Variants in CAPZB observed in about 807,000 individuals in gnomAD.
CAPZB encodes F-actin-capping protein subunit beta.
CAPZB carries 2 observed loss-of-function variants against 38.1 expected under a neutral mutation model. That is an observed-to-expected ratio of 0.05 (90% CI 0.02 to 0.17). The LOEUF (loss-of-function observed/expected upper bound fraction) is 0.17. CAPZB is among the 10% of genes least tolerant of loss of function. The probability of loss-of-function intolerance (pLI) is 1.00; values close to 1 mark genes in which losing one functional copy is unlikely to be tolerated. For synonymous variants in CAPZB, 107 were observed against 127.4 expected (o/e 0.84, Z 1.08); for missense variants, 161 against 334.2 (o/e 0.48, Z 4.04).
chr1:19,450,159 A>AAAAAAAAAAAG (rs1558272969), intron 1 of CAPZB, among the ~76,000 whole-genome samples: 51 of 134,460 alleles, frequency 3.8e-4, no homozygotes, highest in Non-Finnish European at 6.1e-4. Flanking sequence ...AAAAAAAAAA[A>AAAAAAAAAAAG]AAAAAAAAAA....
At chr1:19,430,697 A>T (rs1445996292) in intron 1 of CAPZB, among the ~76,000 whole-genome samples, 3 of 152,122 alleles carry the variant, frequency 2.0e-5, no homozygotes, top group Non-Finnish European at 4.4e-5. Context: ...CCTAGCACAC[A>T]GCTGGCGGCC....
chr1:19,448,178 A>C (rs2094502775), intron 1 of CAPZB, among the ~76,000 whole-genome samples: 1 of 152,172 alleles, frequency 6.6e-6, no homozygotes, highest in South Asian at 2.1e-4. Flanking sequence ...AAATATCTCC[A>C]AGCAAGAAGG....
intron 1 of CAPZB, chr1:19,420,000 T>G: frequency 4.3e-6 from 2 of 466,628 alleles, no homozygotes; most frequent in South Asian, 5.9e-5. Flanking sequence ...GGAAGCAGGC[T>G]GGAGACGTCA....
At chr1:19,483,043 T>C (rs1324111137) in intron 1 of CAPZB, among the ~76,000 whole-genome samples, 1 of 152,208 alleles carries the variant, frequency 6.6e-6, no homozygotes, top group East Asian at 1.9e-4. Context: ...CGCCAGGTGC[T>C]GTTCTAGGCC....
chr1:19,428,687 G>T (rs1167191927), intron 1 of CAPZB, among the ~76,000 whole-genome samples: 1 of 152,150 alleles, frequency 6.6e-6, no homozygotes, highest in Non-Finnish European at 1.5e-5. Flanking sequence ...TGCACAGATA[G>T]AGGCAAAATC....
intron 1 of CAPZB, among the ~76,000 whole-genome samples, chr1:19,435,343 T>A (rs760268585): frequency 4.7e-5 from 7 of 150,118 alleles, no homozygotes; most frequent in Middle Eastern, 3.4e-3. Context: ...GAGCTTAACA[T>A]CCTTCCATGA....
intron 1 of CAPZB, among the ~76,000 whole-genome samples, chr1:19,453,542 T>C (rs995923494): frequency 1.3e-5 from 2 of 152,212 alleles, no homozygotes; most frequent in Admixed American, 1.3e-4. Flanking sequence ...ACTACAGGCG[T>C]GAGCCACTGC....
intron 1 of CAPZB, among the ~76,000 whole-genome samples, chr1:19,482,987 G>C (rs1207579296): frequency 6.6e-6 from 1 of 152,206 alleles, no homozygotes; most frequent in African/African-American, 2.4e-5. Context: ...TAAGTTCATG[G>C]ACACAGACAC....
intron 2 of CAPZB, among the ~76,000 whole-genome samples, chr1:19,405,616 A>G (rs1025118935): frequency 4.6e-5 from 7 of 150,642 alleles, no homozygotes; most frequent in African/African-American, 1.7e-4. Context: ...TCTCCTGAAG[A>G]GTTTTGTTCT....
chr1:19,386,273 C>A (rs1007811643), intron 2 of CAPZB, among the ~76,000 whole-genome samples: 1 of 152,198 alleles, frequency 6.6e-6, no homozygotes, highest in African/African-American at 2.4e-5. Context: ...AGGACTCAAA[C>A]TCTGGGCCAA....
chr1:19,364,878 G>A (rs1282627756), intron 4 of CAPZB, among the ~76,000 whole-genome samples: 2 of 150,458 alleles, frequency 1.3e-5, no homozygotes, highest in Non-Finnish European at 3.0e-5. Context: ...ACAGGGTCTC[G>A]TTCTCTTGCC....
chr1:19,399,202 CT>C (rs1051331001), intron 2 of CAPZB, among the ~76,000 whole-genome samples: 3 of 152,124 alleles, frequency 2.0e-5, no homozygotes, highest in Non-Finnish European at 4.4e-5. Flanking sequence ...GGACCGTACA[CT>C]TTAAAAGTGT....
Position 19,447,386 on chromosome 1 carries a change from A to AT in CAPZB, c.4-27637dup, listed in dbSNP as rs61113781. Among the ~76,000 whole-genome samples the AT allele has an allele frequency of 1.9e-3, 219 of 115,196 alleles. 1 individual carries two copies. The highest frequency in any genetic ancestry group is 6.7e-3 in the African/African-American group (207 of 30,674). 75.6% of individuals were successfully genotyped at this position (115,196 alleles called of 152,430 possible). On this transcript the variant is annotated intron_variant, in intron 1 of 8. Coordinates refer to ENST00000264202, the MANE Select transcript of CAPZB (RefSeq NM_004930.5). ...AGGCACGCTCCACCACATCCAGCTA[A>AT]TTTTTTTTTTTTTTTTTTTTGGATT...
intron 1 of CAPZB, among the ~76,000 whole-genome samples, chr1:19,447,021 CTGAG>C (rs2094498255): frequency 6.6e-6 from 1 of 152,142 alleles, no homozygotes. Context: ...AATACTATTA[CTGAG>C]TATGTTTTCT....
intron 4 of CAPZB, among the ~76,000 whole-genome samples, chr1:19,367,448 C>G (rs922181740): frequency 1.3e-5 from 2 of 152,148 alleles, no homozygotes; most frequent in Non-Finnish European, 2.9e-5. Context: ...CACAAAGTGC[C>G]GCTTACTGGG....
rs11334966 is a variant in CAPZB at position 19,472,709 on chromosome 1, A to ATTTT, written c.3+12723_3+12726dup. ...TGCAACTACTGCGCTTTCATTCTTC[A>ATTTT]TTTTTTTTTTTTTTTTTTTTTTTTT... On this transcript the variant is annotated intron_variant, in intron 1 of 8. Coordinates refer to ENST00000264202, the MANE Select transcript of CAPZB (RefSeq NM_004930.5). Among the ~76,000 whole-genome samples, 243 of 61,202 alleles carry ATTTT rather than the reference A, an allele frequency of 4.0e-3. 31 individuals carry two copies. The highest frequency in any genetic ancestry group is 0.016 in the African/African-American group (227 of 14,442). The allele number at this position is 61,202 out of a possible 152,430, so 40.2% of individuals were successfully genotyped here. A position where few individuals can be genotyped will look rare whatever the true frequency, so the allele number is the denominator to read the frequency against.
chr1:19,356,176 C>T lies in CAPZB; in HGVS notation c.588+459G>A, dbSNP rs2094019936. 6.6e-6 allele frequency among the ~76,000 whole-genome samples: 1 copy of T among 152,226 alleles called. No homozygotes were observed. Among genetic ancestry groups the T allele is most frequent in the South Asian group, 2.1e-4 (1 of 4,828 alleles). On this transcript the variant is annotated intron_variant, in intron 6 of 8. Coordinates refer to ENST00000264202, the MANE Select transcript of CAPZB (RefSeq NM_004930.5). This position sits in a 1 kb window ranked among gnomAD's most constrained non-coding sequence, Gnocchi z 4.3. ...GGTGGGACCTGATATTTCTGCCTTT[C>T]TGACAAGCTCTTTGGTGATGCTGAT...
At chr1:19,462,896 C>T (rs1414065887) in intron 1 of CAPZB, among the ~76,000 whole-genome samples, 1 of 152,182 alleles carries the variant, frequency 6.6e-6, no homozygotes, top group East Asian at 1.9e-4. Context: ...ATATTCAGTT[C>T]CTCAATCACA....
intron 1 of CAPZB, among the ~76,000 whole-genome samples, chr1:19,471,071 C>A (rs2094585356): frequency 1.3e-5 from 2 of 152,218 alleles, no homozygotes; most frequent in Admixed American, 6.5e-5. Flanking sequence ...TTTTCCTACA[C>A]ATGCATACCT....
Sources: allele counts gnomAD v4.1 joint callset (sites outside exome capture counted in the v4.1 genomes callset), GRCh38; gene constraint gnomAD v4.1.1; non-coding constraint Gnocchi (gnomAD v3.1); transcripts MANE v1.5; gene names NCBI Gene and HGNC (gene_info 2026-07-23, HGNC 2026-07-21).